Variants in ASTN2 observed in about 807,000 individuals in gnomAD.
The protein encoded by ASTN2 is astrotactin-2.
A neutral mutation model predicts 139.8 loss-of-function variants in ASTN2; 54 were observed. The ratio of observed to expected loss-of-function variants is 0.39; its 90% CI spans 0.31 to 0.48. The LOEUF is 0.48. Among genes scored for constraint, ASTN2 ranks in the 20% least tolerant of loss-of-function variants. ASTN2 has a pLI of 0.95. For synonymous variants in ASTN2, 756 were observed against 719.5 expected (o/e 1.05, Z -0.81); for missense variants, 1,565 against 1,725.1 (o/e 0.91, Z 1.64).
chr9:117,243,223 T>C (rs575908413), intron 2 of ASTN2, among the ~76,000 whole-genome samples: 6 of 152,220 alleles, frequency 3.9e-5, no homozygotes, highest in Non-Finnish European at 8.8e-5. Context: ...CTCGCTGTGG[T>C]TTTCTCACTA....
intron 10 of ASTN2, among the ~76,000 whole-genome samples, chr9:116,889,205 G>T (rs957009065): frequency 6.6e-6 from 1 of 152,024 alleles, no homozygotes; most frequent in African/African-American, 2.4e-5. Context: ...TCTTGAGGAA[G>T]AGAAGGAAGC....
At chr9:116,892,857 A>G (rs1399809809) in intron 10 of ASTN2, among the ~76,000 whole-genome samples, 1 of 152,130 alleles carries the variant, frequency 6.6e-6, no homozygotes. Context: ...TTAAATTTGG[A>G]TTTTAAACAG....
intron 2 of ASTN2, among the ~76,000 whole-genome samples, chr9:117,290,573 AGAGCACAAT>A (rs1202980827): frequency 1.3e-5 from 2 of 152,236 alleles, no homozygotes; most frequent in African/African-American, 4.8e-5. Context: ...ATTCTTGGCA[AGAGCACAAT>A]GAGATAATTT....
intron 11 of ASTN2, among the ~76,000 whole-genome samples, chr9:116,844,626 A>G (rs1832372338): frequency 6.6e-6 from 1 of 152,138 alleles, no homozygotes; most frequent in South Asian, 2.1e-4. Flanking sequence ...AAAGTTAGAC[A>G]TTTAATGTCC....
At chr9:116,868,678 C>CTCTT (rs1833078814) in intron 10 of ASTN2, among the ~76,000 whole-genome samples, 1 of 152,060 alleles carries the variant, frequency 6.6e-6, no homozygotes, top group African/African-American at 2.4e-5. Context: ...TTTATTCTCT[C>CTCTT]GCCATTCTGA....
chr9:117,235,455 A>G (rs2133064218), intron 2 of ASTN2, among the ~76,000 whole-genome samples: 1 of 152,308 alleles, frequency 6.6e-6, no homozygotes, highest in South Asian at 2.1e-4. Flanking sequence ...TAGCAGCCCT[A>G]TTATTAGAAC....
intron 19 of ASTN2, among the ~76,000 whole-genome samples, chr9:116,549,417 C>T (rs1210911332): frequency 3.9e-5 from 6 of 152,230 alleles, no homozygotes; most frequent in African/African-American, 1.4e-4. Context: ...CCACACTTGG[C>T]TGTACAGTTC....
chr9:117,308,834 C>T (rs1237796103), intron 1 of ASTN2, among the ~76,000 whole-genome samples: 1 of 152,028 alleles, frequency 6.6e-6, no homozygotes, highest in East Asian at 1.9e-4. Flanking sequence ...GAGATGCTGG[C>T]AGTGAGGGGA....
chr9:117,022,566 G>A (rs1837915850), intron 6 of ASTN2, among the ~76,000 whole-genome samples: 1 of 152,066 alleles, frequency 6.6e-6, no homozygotes, highest in Admixed American at 6.6e-5. Context: ...CATCTTCAAT[G>A]GCAACGCACT....
At chr9:116,927,738 G>T (rs182278291) in intron 10 of ASTN2, among the ~76,000 whole-genome samples, 2 of 152,278 alleles carry the variant, frequency 1.3e-5, no homozygotes, top group East Asian at 3.9e-4. Context: ...CGGGGCTGGA[G>T]GTGGGGGGAA....
At chr9:116,447,018 T>G (rs191672799) in intron 20 of ASTN2, among the ~76,000 whole-genome samples, 1 of 152,270 alleles carries the variant, frequency 6.6e-6, no homozygotes, top group Non-Finnish European at 1.5e-5. Flanking sequence ...TGGAACCCCC[T>G]CATTTGAGCT....
chr9:117,051,217 C>T (rs1435027833), intron 5 of ASTN2, among the ~76,000 whole-genome samples: 2 of 96,196 alleles, frequency 2.1e-5, no homozygotes, highest in Non-Finnish European at 2.4e-5. Context: ...AAACTTGGAG[C>T]TTATTAACTA....
chr9:117,199,062 T>C (rs1270736214), intron 3 of ASTN2, among the ~76,000 whole-genome samples: 1 of 152,218 alleles, frequency 6.6e-6, no homozygotes, highest in Non-Finnish European at 1.5e-5. Flanking sequence ...TTACAAACAT[T>C]TTCTCCCATT....
At chr9:116,893,699 C>G (rs1833817732) in intron 10 of ASTN2, among the ~76,000 whole-genome samples, 1 of 152,058 alleles carries the variant, frequency 6.6e-6, no homozygotes, top group Admixed American at 6.6e-5. Flanking sequence ...CTCTCCCTCC[C>G]TCTCTCCTCT....
In ASTN2 at chr9:117,141,379, G is replaced by T. The variant is rs534797977; in HGVS notation, c.1115C>A (p.Pro372Gln). ...NTPIEIGQLQ[P>Q]PLRSTSAGKR... ...CCCTGCCGATGTGCTGCGCAGGGGT[G>T]GTTGCAGCTGACCGATCTCGATGGG... The change falls in exon 4 of 23, where the codon CCA becomes CAA. Residue 372 changes from proline (P) to glutamine (Q), a missense_variant. Pro to Gln is a moderately conservative substitution (Grantham distance 76). Transcript: ENST00000313400. 7.3e-7 allele frequency: 1 copy of T among 1,367,542 alleles called. No individual in the cohort carries two copies. The highest frequency in any genetic ancestry group is 1.1e-5 in the South Asian group (1 of 88,030). The allele number at this position is 1,367,542 out of a possible 1,614,324, so 84.7% of individuals were successfully genotyped here.
At chr9:116,453,498 G>A (rs183960709) in intron 20 of ASTN2, among the ~76,000 whole-genome samples, 2 of 149,386 alleles carry the variant, frequency 1.3e-5, no homozygotes, top group East Asian at 4.0e-4. Context: ...GGAGGCTGAG[G>A]TGGAAGAATG....
chr9:116,615,545 A>C (rs2131813906), intron 19 of ASTN2, among the ~76,000 whole-genome samples: 1 of 152,316 alleles, frequency 6.6e-6, no homozygotes, highest in African/African-American at 2.4e-5. Context: ...CTATGCAGCC[A>C]TGAAAAAGGA....
intron 19 of ASTN2, among the ~76,000 whole-genome samples, chr9:116,512,715 G>A (rs1564332403): frequency 6.6e-6 from 1 of 152,176 alleles, no homozygotes. Flanking sequence ...ATTTAGGACA[G>A]TTAGCTCTTC....
At chr9:116,958,478 A>T (rs565783911) in intron 10 of ASTN2, among the ~76,000 whole-genome samples, 1 of 152,198 alleles carries the variant, frequency 6.6e-6, no homozygotes, top group East Asian at 1.9e-4. Context: ...AGTCCCAGCT[A>T]CTCAGGAAGC....
Sources: allele counts gnomAD v4.1 joint callset (sites outside exome capture counted in the v4.1 genomes callset), GRCh38; gene constraint gnomAD v4.1.1; transcripts MANE v1.5; gene names NCBI Gene and HGNC (gene_info 2026-07-23, HGNC 2026-07-21).